The following CAPSL variants were observed in gnomAD, a reference collection of about 807,000 sequenced individuals.
CAPSL encodes calcyphosin-like protein.
Under a neutral mutation model 21.3 loss-of-function variants are expected in CAPSL, and 17 were observed. The observed-to-expected ratio is 0.80, with a 90% confidence interval of 0.55 to 1.20. CAPSL has a LOEUF of 1.20. Among genes scored for constraint, CAPSL ranks in the 50% most tolerant of loss-of-function variants. CAPSL has a pLI of 0.00. For missense variants in CAPSL, 289 were observed against 259.3 expected (o/e 1.11, Z -0.79); for synonymous variants, 102 against 89.3 (o/e 1.14, Z -0.80).
chr5:35,910,576 A>C (rs1317574295), intron 2 of CAPSL, 33 bp from the exon 3 acceptor site: 2 of 1,481,814 alleles, frequency 1.3e-6, no homozygotes, highest in South Asian at 2.4e-5. Flanking sequence ...TTCAGAAGAA[A>C]TGTACAAATA....
At chr5:35,931,583 T>G (rs1346607994) in intron 1 of CAPSL, among the ~76,000 whole-genome samples, 8 of 152,152 alleles carry the variant, frequency 5.3e-5, no homozygotes, top group Admixed American at 5.2e-4. Flanking sequence ...TTGCTTTTTT[T>G]CCCTTTGCTG....
At chr5:35,934,588 A>C (rs139742276) in intron 1 of CAPSL, among the ~76,000 whole-genome samples, 1 of 152,198 alleles carries the variant, frequency 6.6e-6, no homozygotes, top group East Asian at 1.9e-4. Flanking sequence ...TGGAGTATTT[A>C]TTTCCCCAGC....
At chr5:35,919,357 T>C (rs1238726416) in intron 2 of CAPSL, among the ~76,000 whole-genome samples, 3 of 152,000 alleles carry the variant, frequency 2.0e-5, no homozygotes, top group Admixed American at 6.6e-5. Context: ...GTATCTACAT[T>C]TACAAGGCAA....
chr5:35,933,057 C>A (rs1263074087), intron 1 of CAPSL, among the ~76,000 whole-genome samples: 1 of 152,162 alleles, frequency 6.6e-6, no homozygotes, highest in Non-Finnish European at 1.5e-5. Context: ...CACATTACAA[C>A]TCAAAAGTTA....
At chr5:35,929,540 C>T (rs920683387) in intron 1 of CAPSL, among the ~76,000 whole-genome samples, 1 of 152,146 alleles carries the variant, frequency 6.6e-6, no homozygotes, top group Non-Finnish European at 1.5e-5. Context: ...ATCCACCCAC[C>T]TTGGCCTCAC....
At chr5:35,918,079 C>G (rs1319932079) in intron 2 of CAPSL, among the ~76,000 whole-genome samples, 1 of 152,090 alleles carries the variant, frequency 6.6e-6, no homozygotes. Flanking sequence ...ACCACAAATA[C>G]CATTTGACCC....
At chr5:35,905,676 G>T (rs1760658057) in intron 4 of CAPSL, among the ~76,000 whole-genome samples, 1 of 152,158 alleles carries the variant, frequency 6.6e-6, no homozygotes, top group Non-Finnish European at 1.5e-5. Context: ...TCCTCCTTTG[G>T]ATTCCTCAGC....
At chr5:35,935,490 A>G (rs1409919579) in intron 1 of CAPSL, among the ~76,000 whole-genome samples, 2 of 151,468 alleles carry the variant, frequency 1.3e-5, no homozygotes, top group African/African-American at 4.9e-5. Flanking sequence ...ACACCACAAT[A>G]CCCAACTAAT....
At chr5:35,917,322 T>C (rs538384949) in intron 2 of CAPSL, among the ~76,000 whole-genome samples, 1 of 152,296 alleles carries the variant, frequency 6.6e-6, no homozygotes, top group African/African-American at 2.4e-5. Context: ...TCCTCAGGGA[T>C]CTAGAACTAG....
At chr5:35,928,199 A>G (rs373568888) in intron 1 of CAPSL, among the ~76,000 whole-genome samples, 3 of 152,352 alleles carry the variant, frequency 2.0e-5, no homozygotes, top group South Asian at 2.1e-4. Context: ...GACTTTTATT[A>G]ACACCTTAAT....
At chr5:35,915,891 G>A (rs1561438321) in intron 2 of CAPSL, among the ~76,000 whole-genome samples, 2 of 152,236 alleles carry the variant, frequency 1.3e-5, no homozygotes, top group Middle Eastern at 6.8e-3. Context: ...GGAAACAAAT[G>A]GTATTCAATT....
At chr5:35,918,317 G>A (rs1021772195) in intron 2 of CAPSL, among the ~76,000 whole-genome samples, 3 of 152,126 alleles carry the variant, frequency 2.0e-5, no homozygotes, top group Admixed American at 1.3e-4. Context: ...AGGGATATGG[G>A]TGAAGCTGGA....
chr5:35,934,073 A>T (rs988464516), intron 1 of CAPSL, among the ~76,000 whole-genome samples: 9 of 152,350 alleles, frequency 5.9e-5, no homozygotes, highest in African/African-American at 2.2e-4. Context: ...TGAAATATAG[A>T]AAACTGCTCT....
intron 4 of CAPSL, among the ~76,000 whole-genome samples, chr5:35,909,089 T>G (rs988955169): frequency 2.0e-5 from 3 of 150,306 alleles, no homozygotes; most frequent in Non-Finnish European, 4.4e-5. Flanking sequence ...GCTCAGGGTT[T>G]TTTTTTTTTT....
chr5:35,932,385 G>C (rs951489202), intron 1 of CAPSL, among the ~76,000 whole-genome samples: 1 of 152,104 alleles, frequency 6.6e-6, no homozygotes, highest in Non-Finnish European at 1.5e-5. Flanking sequence ...AGCCATAGCA[G>C]CTCCAGCTAT....
At chr5:35,914,605 G>C (rs1170386768) in intron 2 of CAPSL, among the ~76,000 whole-genome samples, 1 of 152,094 alleles carries the variant, frequency 6.6e-6, no homozygotes, top group Non-Finnish European at 1.5e-5. Context: ...GCTCCTGAAT[G>C]ACTACTGGGT....
At chr5:35,934,683 A>T (rs904200080) in intron 1 of CAPSL, among the ~76,000 whole-genome samples, 1 of 152,234 alleles carries the variant, frequency 6.6e-6, no homozygotes, top group Non-Finnish European at 1.5e-5. Context: ...TGATTGAGAT[A>T]TGAAAACCAC....
At chr5:35,927,981 T>C (rs1237056671) in intron 1 of CAPSL, among the ~76,000 whole-genome samples, 2 of 152,194 alleles carry the variant, frequency 1.3e-5, no homozygotes, top group Non-Finnish European at 2.9e-5. Flanking sequence ...TGGGGTAATT[T>C]ATAAACAAGA....
intron 2 of CAPSL, 56 bp from the exon 3 acceptor site, chr5:35,910,599 G>A: frequency 7.7e-7 from 1 of 1,301,038 alleles, no homozygotes; most frequent in East Asian, 2.4e-5. Context: ...AGGTGTAAGT[G>A]TAAAGATTAA....
Sources: gnomAD v4.1 joint callset for allele counts (sites outside exome capture counted in the v4.1 genomes callset) on GRCh38, gnomAD v4.1.1 for gene constraint, MANE v1.5 for transcripts, NCBI Gene and HGNC (gene_info 2026-07-23, HGNC 2026-07-21) for gene names.